TPR: variants seen among roughly 807,000 people sequenced by gnomAD.
TPR encodes the protein translocated promoter region, nuclear basket protein, also known as nucleoprotein TPR.
Under a neutral mutation model 316.1 loss-of-function variants are expected in TPR, and 51 were observed. That is an observed-to-expected ratio of 0.16 (90% CI 0.13 to 0.20). The LOEUF (loss-of-function observed/expected upper bound fraction) is 0.20, where lower values mean the gene tolerates loss of function less well. TPR is among the 10% of genes least tolerant of loss of function. TPR has a pLI of 1.00. For synonymous variants in TPR, 981 were observed against 914.7 expected (o/e 1.07, Z -1.31); for missense variants, 2,272 against 2,754.8 (o/e 0.82, Z 3.92).
intron 30 of TPR, 27 bp from the exon 31 acceptor site, chr1:186,338,270 G>T: frequency 1.9e-6 from 3 of 1,557,950 alleles, no homozygotes; most frequent in East Asian, 2.3e-5. Context: ...AAAGAAGAAA[G>T]ATTAAATATA....
chr1:186,318,804 A>G lies in TPR; in HGVS notation c.6593T>C (p.Leu2198Pro), dbSNP rs1210577192. 1 of 1,614,094 alleles carries G rather than the reference A, an allele frequency of 6.2e-7. No homozygotes were observed. The highest frequency in any genetic ancestry group is 8.5e-7 in the Non-Finnish European group (1 of 1,180,038). ...TGACTCTTCTTCATGAGCTAGGAAC[A>G]GGGGTGTTTCATACATTCCTAAACC... is the stretch of plus-strand genomic sequence containing the variant. ...QGGLGMYETP[L>P]FLAHEEESGG... is the part of the protein sequence containing the mutation. Residue 2198 changes from leucine (L) to proline (P), a missense_variant, in exon 47 of 51, where the codon CTG becomes CCG. Physicochemically the swap from Leu to Pro is moderately conservative, Grantham distance 98. Transcript: ENST00000367478.
intron 1 of TPR, among the ~76,000 whole-genome samples, chr1:186,374,459 G>A (rs1379827889): frequency 6.6e-6 from 1 of 152,202 alleles, no homozygotes; most frequent in Non-Finnish European, 1.5e-5. Flanking sequence ...CACACACTAA[G>A]AACAAGTGCA....
intron 46 of TPR, among the ~76,000 whole-genome samples, chr1:186,319,142 C>G (rs1021179546): frequency 1.3e-5 from 2 of 151,996 alleles, no homozygotes; most frequent in African/African-American, 4.8e-5. Context: ...CAACACAGAC[C>G]CAGCTAATTA....
chr1:186,345,155 T>A (rs1041298332), intron 24 of TPR, among the ~76,000 whole-genome samples: 14 of 132,916 alleles, frequency 1.1e-4, no homozygotes, highest in African/African-American at 3.3e-4. Context: ...GATACTTTTT[T>A]AACATTTTAT....
chr1:186,361,439 T>C (rs1251696143), intron 9 of TPR, among the ~76,000 whole-genome samples, 183 bp downstream of exon 9: 1 of 151,892 alleles, frequency 6.6e-6, no homozygotes, highest in African/African-American at 2.4e-5. Context: ...TTCAAAAATA[T>C]ATAAACTTAC....
chr1:186,375,102 G>C lies in TPR; in HGVS notation c.-74C>G. ...GGAGAAGAAAGGCGAAGACCAGCAG[G>C]ACCCAGACGCCTGGGCCGCCGCCTC... On this transcript the variant is annotated 5_prime_UTR_variant, in exon 1 of 51. Coordinates refer to ENST00000367478, the MANE Select transcript of TPR (RefSeq NM_003292.3). 6.3e-7 allele frequency: 1 copy of C among 1,590,952 alleles called. No individual in the cohort carries two copies. Among genetic ancestry groups the C allele is most frequent in the Non-Finnish European group, 8.6e-7 (1 of 1,169,416 alleles).
chr1:186,323,184 A>C (rs1446478956), intron 43 of TPR, among the ~76,000 whole-genome samples: 1 of 152,188 alleles, frequency 6.6e-6, no homozygotes, highest in Admixed American at 6.5e-5. Context: ...TCTGATTAAG[A>C]GATGCCCGAC....
chr1:186,331,486 G>A lies in TPR; in HGVS notation c.5688+12C>T. ...AGCAACGGTGTGGTACTTTAGGTAT[G>A]TTTTTACTTACTTCTCCAATGGAAT... On this transcript the variant is annotated intron_variant, in intron 39 of 50. Coordinates refer to ENST00000367478, the MANE Select transcript of TPR (RefSeq NM_003292.3). 6.3e-7 allele frequency: 1 copy of A among 1,594,822 alleles called. No homozygotes were observed. The highest frequency in any genetic ancestry group is 8.6e-7 in the Non-Finnish European group (1 of 1,167,508).
intron 30 of TPR, 24 bp downstream of exon 30, chr1:186,339,618 G>T: frequency 6.6e-7 from 1 of 1,509,060 alleles, no homozygotes; most frequent in Non-Finnish European, 8.8e-7. Flanking sequence ...TATTATATAT[G>T]ATTTAAGGCT....
rs767392895 is a variant in TPR, at chr1:186,363,396, C to T, written c.477G>A (p.Lys159=). 4.3e-6 allele frequency: 7 copies of T among 1,612,694 alleles called. No individual in the cohort carries two copies. Among genetic ancestry groups the T allele is most frequent in the South Asian group, 1.1e-5 (1 of 91,022 alleles). Reference sequence around the variant, plus strand: ...CATCCAATTTTAACTGAAGTTCACCCTTTGTTGTATTGCTTTCTTTAAGTT... The same window carrying T: ...CATCCAATTTTAACTGAAGTTCACCTTTTGTTGTATTGCTTTCTTTAAGTT... ...NEKLKESNTT[K]GELQLKLDEL... Residue 159 remains lysine, a synonymous_variant, in exon 5 of 51, where the codon AAG becomes AAA. Transcript: ENST00000367478.
At chr1:186,346,369 T>C (rs1181268057) in intron 22 of TPR, 82 bp from the exon 23 acceptor site, 18 of 1,329,144 alleles carry the variant, frequency 1.4e-5, no homozygotes, top group East Asian at 2.4e-5. Context: ...TCAAAACTAA[T>C]TTGAGAAGTA....
At chr1:186,356,671 G>T in intron 14 of TPR, 1 of 417,822 alleles carries the variant, frequency 2.4e-6, no homozygotes, top group Non-Finnish European at 4.2e-6. Flanking sequence ...AAATTTGTTT[G>T]TAAAAATTAA....
intron 4 of TPR, among the ~76,000 whole-genome samples, chr1:186,364,447 T>TA (rs1195538223): frequency 6.6e-6 from 1 of 151,760 alleles, no homozygotes; most frequent in Non-Finnish European, 1.5e-5. Flanking sequence ...CCAGCAAGCA[T>TA]AAAAAAGTGC....
chr1:186,338,042 T>C lies in TPR; in HGVS notation c.4353A>G (p.Gln1451=). 1 of 1,601,074 alleles carries C rather than the reference T, an allele frequency of 6.2e-7. No individual in the cohort carries two copies. The highest frequency in any genetic ancestry group is 8.5e-7 in the Non-Finnish European group (1 of 1,176,724). Residue 1451 remains glutamine, a synonymous_variant, in exon 31 of 51, where the codon CAA becomes CAG. Transcript: ENST00000367478. ...AGTTTCTTCAAAATACCTTATCCTG[T>C]TGTGCTTTAAGTTCTTCATATTGAG... ...YKTQYEELKA[Q]QDKVMETSAQ...
At chr1:186,330,714 T>G (rs1281605051) in intron 39 of TPR, among the ~76,000 whole-genome samples, 11 of 152,084 alleles carry the variant, frequency 7.2e-5, no homozygotes, top group South Asian at 2.1e-4. Context: ...TGGAGACTAT[T>G]TCTTCCTCAT....
At position 186,324,021 on chromosome 1, in the gene TPR, G is replaced by C. The variant is rs560717361; in HGVS notation, c.6113-151C>G. On this transcript the variant is annotated intron_variant, in intron 42 of 50. Coordinates refer to ENST00000367478, the MANE Select transcript of TPR (RefSeq NM_003292.3). ...AGTGAGGTGTGATGGAAGCAAATGT[G>C]GGTTTTACACCCAGAGACAATGGGA... is the stretch of plus-strand genomic sequence containing the variant. 2.8e-5 allele frequency: 21 copies of C among 761,722 alleles called. No individual in the cohort carries two copies. In the South Asian group the frequency reaches 4.7e-4, roughly 17 times the overall value. 47.2% of individuals were successfully genotyped at this position (761,722 alleles called of 1,614,324 possible). A position where few individuals can be genotyped will look rare whatever the true frequency, so the allele number is the denominator to read the frequency against.
At chr1:186,326,461 A>G (rs1450543620) in intron 40 of TPR, among the ~76,000 whole-genome samples, 1 of 152,126 alleles carries the variant, frequency 6.6e-6, no homozygotes, top group African/African-American at 2.4e-5. Context: ...TTTGCATGAG[A>G]TTGCTCAAAG....
intron 39 of TPR, among the ~76,000 whole-genome samples, chr1:186,328,096 A>G (rs1190775075): frequency 6.6e-6 from 1 of 152,130 alleles, no homozygotes; most frequent in East Asian, 1.9e-4. Flanking sequence ...ATTTAATTTT[A>G]AAAATGGCAT....
At chr1:186,323,572 A>C (rs1228455279) in intron 43 of TPR, 114 bp downstream of exon 43, 4 of 987,732 alleles carry the variant, frequency 4.0e-6, no homozygotes, top group Admixed American at 3.5e-5. Context: ...CAAAAAGTTC[A>C]TGGGATTGCT....
Sources: allele counts gnomAD v4.1 joint callset (sites outside exome capture counted in the v4.1 genomes callset), GRCh38; gene constraint gnomAD v4.1.1; transcripts MANE v1.5; gene names NCBI Gene and HGNC (gene_info 2026-07-23, HGNC 2026-07-21).